RARS1: variants seen among roughly 807,000 people sequenced by gnomAD.
The protein encoded by RARS1 is arginyl-tRNA synthetase 1.
In RARS1, 75 loss-of-function variants were observed where a neutral mutation model predicts 78.7. The ratio of observed to expected loss-of-function variants is 0.95; its 90% confidence interval spans 0.79 to 1.15. The LOEUF (loss-of-function observed/expected upper bound fraction) is 1.15, where lower values mean the gene tolerates loss of function less well. Ranked by LOEUF, RARS1 falls within the 50% of genes most tolerant of loss-of-function variation. RARS1 has a pLI of 0.00. For synonymous variants in RARS1, 273 were observed against 268.2 expected (o/e 1.02, Z -0.18); for missense variants, 787 against 787.5 (o/e 1.00, Z 0.01).
chr5:168,492,955 A>C (rs1758116292), intron 3 of RARS1, 108 bp downstream of exon 3: 1 of 1,070,574 alleles, frequency 9.3e-7, no homozygotes, highest in Admixed American at 2.4e-5. Context: ...AGTGAAAAGG[A>C]CATTTGCCAC....
In RARS1 at chr5:168,506,825, A is replaced by T; in HGVS notation, c.1340A>T (p.Glu447Val). Reference protein sequence around the residue: ...FHAGFGVVLGEDKKKFKTRSG... With the variant: ...FHAGFGVVLGVDKKKFKTRSG... ...GCTGGATTTGGTGTGGTGCTAGGGGAAGACAAGTAAGTCTGGAAAATCTGA... is the reference window on the plus strand; with the variant it reads ...GCTGGATTTGGTGTGGTGCTAGGGGTAGACAAGTAAGTCTGGAAAATCTGA... The change falls in exon 11 of 15, where the codon GAA becomes GTA. Residue 447 changes from glutamate (E) to valine (V), a missense_variant. Transcript: ENST00000231572. The T allele has an allele frequency of 6.2e-7, 1 of 1,603,224 alleles. No homozygotes were observed. Among genetic ancestry groups the T allele is most frequent in the Non-Finnish European group, 8.5e-7 (1 of 1,170,526 alleles).
chr5:168,516,406 T>C (rs1758667238), intron 12 of RARS1, among the ~76,000 whole-genome samples: 1 of 152,034 alleles, frequency 6.6e-6, no homozygotes, highest in Non-Finnish European at 1.5e-5. Context: ...TTTTTGTTTG[T>C]ATTTTTTGGT....
At chr5:168,496,666 T>C (rs945887338) in intron 6 of RARS1, among the ~76,000 whole-genome samples, 10 of 151,808 alleles carry the variant, frequency 6.6e-5, no homozygotes, top group African/African-American at 1.9e-4. Flanking sequence ...GTATTTTTAG[T>C]AGAGACGGGG....
At chr5:168,507,541 T>C (rs758929161) in intron 11 of RARS1, among the ~76,000 whole-genome samples, 30 of 152,300 alleles carry the variant, frequency 2.0e-4, no homozygotes, top group African/African-American at 6.7e-4. Flanking sequence ...ACAAACGTGG[T>C]CATGCTTCTA....
chr5:168,496,931 A>C (rs575051997), intron 6 of RARS1: 1 of 243,498 alleles, frequency 4.1e-6, no homozygotes, highest in Non-Finnish European at 7.8e-6. Context: ...AATTAGCTAC[A>C]AAATAAACAG....
In RARS1 at chr5:168,517,985, A is replaced by C; in HGVS notation, c.1796A>C (p.Asp599Ala). The change falls in exon 14 of 15, where the codon GAT becomes GCT. Residue 599 changes from aspartate to alanine, a missense_variant. By Grantham distance (126) the Asp-to-Ala change is moderately radical. Coordinates refer to ENST00000231572, the MANE Select transcript of RARS1 (RefSeq NM_002887.4). ...GACTTATTTCTCCACACTCTCTGTG[A>C]TTATATATATGAGCTGGCAACTGCT... ...LDDLFLHTLC[D>A]YIYELATAFT... 1.3e-6 allele frequency: 2 copies of C among 1,570,292 alleles called. No homozygotes were observed. Among genetic ancestry groups the C allele is most frequent in the South Asian group, 2.2e-5 (2 of 90,290 alleles).
rs1337030662 is a variant in RARS1, at chr5:168,488,587, C to T, written c.46-15C>T. Reference sequence around the variant, plus strand: ...GTAAGTTTATGGACTGAAAAAAGTGCTTTTTTTCCCACAGGAAGAAGAGAT... The same window carrying T: ...GTAAGTTTATGGACTGAAAAAAGTGTTTTTTTTCCCACAGGAAGAAGAGAT... On this transcript the variant is annotated splice_polypyrimidine_tract_variant and intron_variant, in intron 1 of 14. Transcript: ENST00000231572. 1 of 1,594,484 alleles carries T rather than the reference C, an allele frequency of 6.3e-7. No homozygotes were observed. The highest frequency in any genetic ancestry group is 8.5e-7 in the Non-Finnish European group (1 of 1,173,974).
chr5:168,517,547 C>T (rs946997477), intron 13 of RARS1, among the ~76,000 whole-genome samples: 3 of 152,170 alleles, frequency 2.0e-5, no homozygotes, highest in African/African-American at 7.2e-5. Context: ...CTGGCCTTAA[C>T]TGCACTTGCC....
At chr5:168,492,525 G>T in intron 2 of RARS1, 134 bp from the exon 3 acceptor site, 1 of 688,034 alleles carries the variant, frequency 1.5e-6, no homozygotes, top group Middle Eastern at 4.3e-4. Context: ...CAGATTGAGG[G>T]CATCACACCA....
intron 7 of RARS1, among the ~76,000 whole-genome samples, chr5:168,500,145 C>T (rs891515397): frequency 5.1e-5 from 5 of 97,164 alleles, no homozygotes; most frequent in Admixed American, 4.1e-4. Flanking sequence ...CGAAATCATG[C>T]CACTCCAGCC....
At position 168,510,704 on chromosome 5, in the gene RARS1, A is replaced by G. The variant is rs777126181; in HGVS notation, c.1452+18A>G. ...GAGACAAGGTAATTCAAAGCCTTAT[A>G]GGCATAATGTGTATCAAGCATTGTG... On this transcript the variant is annotated intron_variant, in intron 12 of 14. Coordinates refer to ENST00000231572, the MANE Select transcript of RARS1 (RefSeq NM_002887.4). The G allele has an allele frequency of 1.2e-5, 18 of 1,529,200 alleles. No individual in the cohort carries two copies. Among genetic ancestry groups the G allele is most frequent in the Non-Finnish European group, 1.4e-5 (16 of 1,122,348 alleles). 94.7% of individuals were successfully genotyped at this position (1,529,200 alleles called of 1,614,324 possible). A position where few individuals can be genotyped will look rare whatever the true frequency, so the allele number is the denominator to read the frequency against.
rs1211956051 is a variant in RARS1 at position 168,499,695 on chromosome 5, T to G, written c.823-896T>G. 3.3e-5 allele frequency among the ~76,000 whole-genome samples: 5 copies of G among 149,576 alleles called. 1 individual carries two copies. Among genetic ancestry groups the G allele is most frequent in the Non-Finnish European group, 7.4e-5 (5 of 67,132 alleles). ...GTTTGTATAAATAAATTGTTAAAAT[T>G]TACAAACCACAGTAAAAAAAAAAGC... is the stretch of plus-strand genomic sequence containing the variant. On this transcript the variant is annotated intron_variant, in intron 7 of 14. Transcript: ENST00000231572.
At chr5:168,500,489 C>G (rs1758293688) in intron 7 of RARS1, 102 bp from the exon 8 acceptor site, 1 of 1,139,384 alleles carries the variant, frequency 8.8e-7, no homozygotes, top group Admixed American at 4.2e-5. Context: ...TTTGTACTTT[C>G]TCACTGTGTT....
At chr5:168,490,001 A>C (rs1758049060) in intron 2 of RARS1, among the ~76,000 whole-genome samples, 1 of 151,936 alleles carries the variant, frequency 6.6e-6, no homozygotes, top group Non-Finnish European at 1.5e-5. Context: ...TTTAGTAGAG[A>C]CGAGGTTTCT....
chr5:168,492,879 A>G, intron 3 of RARS1, 32 bp downstream of exon 3: 2 of 1,490,874 alleles, frequency 1.3e-6, no homozygotes, highest in East Asian at 4.6e-5. Context: ...TGGCTGTTTG[A>G]TTTTTTTAAG....
intron 12 of RARS1, among the ~76,000 whole-genome samples, chr5:168,513,029 T>TTTTTCTTTC (rs954996202): frequency 9.9e-5 from 15 of 151,852 alleles, no homozygotes; most frequent in African/African-American, 3.6e-4. Context: ...ACTACCTTTA[T>TTTTTCTTTC]TTTTCTTTCT....
At chr5:168,492,461 G>A (rs576001606) in intron 2 of RARS1, among the ~76,000 whole-genome samples, 198 bp from the exon 3 acceptor site, 136 of 152,264 alleles carry the variant, frequency 8.9e-4, no homozygotes, top group Admixed American at 1.6e-3. Context: ...ATTTCCCATG[G>A]ATGTCTTAGA....
At chr5:168,501,445 A>G (rs2152904691) in intron 8 of RARS1, among the ~76,000 whole-genome samples, 1 of 152,322 alleles carries the variant, frequency 6.6e-6, no homozygotes, top group South Asian at 2.1e-4. Context: ...AAGTTATACA[A>G]GAAGGACATG....
chr5:168,497,521 A>C (rs982733932), intron 7 of RARS1, among the ~76,000 whole-genome samples, 173 bp downstream of exon 7: 1 of 147,100 alleles, frequency 6.8e-6, no homozygotes, highest in Non-Finnish European at 1.5e-5. Context: ...AACTTAAACT[A>C]CTTTTTTTTT....
Sources: allele counts gnomAD v4.1 joint callset (sites outside exome capture counted in the v4.1 genomes callset), GRCh38; gene constraint gnomAD v4.1.1; transcripts MANE v1.5; gene names NCBI Gene and HGNC (gene_info 2026-07-23, HGNC 2026-07-21).